HIVEP3: variants seen among roughly 807,000 people sequenced by gnomAD.
HIVEP3 encodes the protein transcription factor HIVEP3.
In HIVEP3, 49 loss-of-function variants were observed where a neutral mutation model predicts 152.8. That is an observed-to-expected ratio of 0.32 (90% CI 0.26 to 0.41). HIVEP3 has a LOEUF of 0.41. Ranked by LOEUF, HIVEP3 falls within the 10% of genes least tolerant of loss-of-function variation. HIVEP3 has a pLI of 1.00. For missense variants in HIVEP3, 2,790 were observed against 3,103.3 expected, an observed-to-expected ratio of 0.90 and a Z score of 2.40; for synonymous variants, 1,269 against 1,289.0, an observed-to-expected ratio of 0.98 and a Z score of 0.33.
chr1:41,609,686 C>T (rs1279757794), intron 3 of HIVEP3, among the ~76,000 whole-genome samples: 1 of 152,254 alleles, frequency 6.6e-6, no homozygotes, highest in South Asian at 2.1e-4. Context: ...CTCTCTCATT[C>T]CCTCCATCTG....
chr1:41,524,764 T>A lies in HIVEP3; in HGVS notation c.5354A>T (p.Lys1785Met). 1 of 1,614,082 alleles carries A rather than the reference T, an allele frequency of 6.2e-7. No homozygotes were observed. The highest frequency in any genetic ancestry group is 8.5e-7 in the Non-Finnish European group (1 of 1,180,018). The change falls in exon 6 of 9, where the codon AAG (lysine) becomes ATG (methionine). Residue 1785 changes from lysine (K) to methionine (M), a missense_variant. By Grantham distance (95) the Lys-to-Met change is moderately conservative (BLOSUM62 -1). This residue lies in a region of HIVEP3 where 57 missense variants were observed against 95.1 expected (regional missense o/e 0.60). Transcript: ENST00000372583. ...THTDVRPYVC[K>M]HCHFAFKTKG... ...GGTTTTAAAAGCAAAGTGACAGTGC[T>A]TGCACACATAGGGCCGGACGTCAGT... is the stretch of plus-strand genomic sequence containing the variant.
intron 5 of HIVEP3, among the ~76,000 whole-genome samples, chr1:41,551,337 C>CCT (rs1643891813): frequency 6.6e-6 from 1 of 150,664 alleles, no homozygotes; most frequent in Admixed American, 6.6e-5. Flanking sequence ...CTAAAATTCT[C>CCT]TTTTTTTTTG....
chr1:42,008,733 C>T (rs1645475746), intron 1 of HIVEP3, among the ~76,000 whole-genome samples: 2 of 152,196 alleles, frequency 1.3e-5, no homozygotes, highest in African/African-American at 2.4e-5. Context: ...ATGGCTGGTA[C>T]AGCAGACACT....
chr1:41,832,768 C>T (rs1348402653), intron 1 of HIVEP3, among the ~76,000 whole-genome samples: 2 of 152,198 alleles, frequency 1.3e-5, no homozygotes, highest in African/African-American at 4.8e-5. Context: ...TCACATTTTA[C>T]AGATAAGGAA....
At position 41,992,823 on chromosome 1, in the gene HIVEP3, A is replaced by G. The variant is rs1388120498; in HGVS notation, n.119+42984T>C. ...GAGATATAGATCAATGGAACAGAAC[A>G]GAGCCCTCAGAAATAACGCCGCATA... On this transcript the variant is annotated intron_variant and non_coding_transcript_variant, in intron 1 of 3. Transcript: ENST00000489103. Among the ~76,000 whole-genome samples, 110 of 140,068 alleles carry G rather than the reference A, an allele frequency of 7.9e-4. 1 individual carries two copies. The East Asian group carries it at 0.018, about 23-fold the overall frequency. 91.9% of individuals were successfully genotyped at this position (140,068 alleles called of 152,430 possible). A position where few individuals can be genotyped will look rare whatever the true frequency, so the allele number is the denominator to read the frequency against.
chr1:41,511,123 G>A lies in HIVEP3; in HGVS notation c.6549C>T (p.His2183=). The A allele has an allele frequency of 6.2e-7, 1 of 1,614,230 alleles. No homozygotes were observed. Among genetic ancestry groups the A allele is most frequent in the Non-Finnish European group, 8.5e-7 (1 of 1,180,038 alleles). ...EENIFSHLPL[H]SQHLTRAPCP... ...ATGGGGCACGGGTCAAGTGCTGGGA[G>A]TGCAGAGGCAGGTGGCTGAAGATGT... is the stretch of plus-strand genomic sequence containing the variant. Residue 2183 remains histidine, a synonymous_variant, in exon 9 of 9, where the codon CAC becomes CAT. Coordinates refer to ENST00000372583, the MANE Select transcript of HIVEP3 (RefSeq NM_024503.5). This position sits in a 1 kb window ranked among gnomAD's most constrained non-coding sequence, Gnocchi z 4.9.
intron 1 of HIVEP3, among the ~76,000 whole-genome samples, chr1:42,001,669 C>T (rs1645428528): frequency 6.6e-6 from 1 of 152,218 alleles, no homozygotes; most frequent in Non-Finnish European, 1.5e-5. Context: ...CCTGGCTCAT[C>T]ACACACTTAA....
chr1:42,026,732 T>C (rs1645584636), intron 1 of HIVEP3, among the ~76,000 whole-genome samples: 1 of 152,186 alleles, frequency 6.6e-6, no homozygotes, highest in Admixed American at 6.5e-5. Flanking sequence ...AGCCTGCCTA[T>C]ATGATTCTTT....
intron 1 of HIVEP3, among the ~76,000 whole-genome samples, chr1:42,007,363 G>C (rs569044432): frequency 6.6e-6 from 1 of 152,290 alleles, no homozygotes; most frequent in South Asian, 2.1e-4. Context: ...TGTTCGGTTG[G>C]TTCAGTTTGG....
Position 41,623,601 on chromosome 1 carries a change from C to T in HIVEP3, c.-522+5148G>A, listed in dbSNP as rs76033299. On this transcript the variant is annotated intron_variant, in intron 3 of 8. Coordinates refer to ENST00000372583, the MANE Select transcript of HIVEP3 (RefSeq NM_024503.5). ...CCAGGCCTGGCTCTCTTCCTTGCACCCACTGAGTGAAGGGCAGGTGGCCTG... is the reference window on the plus strand; with the variant it reads ...CCAGGCCTGGCTCTCTTCCTTGCACTCACTGAGTGAAGGGCAGGTGGCCTG... 4.7e-3 allele frequency among the ~76,000 whole-genome samples: 711 copies of T among 152,298 alleles called. 2 individuals carry two copies. The highest frequency in any genetic ancestry group is 0.016 in the African/African-American group (662 of 41,560).
At chr1:41,573,062 A>G (rs1341338823) in intron 5 of HIVEP3, among the ~76,000 whole-genome samples, 1 of 152,212 alleles carries the variant, frequency 6.6e-6, no homozygotes, top group East Asian at 1.9e-4. Context: ...CTCAGCCTCT[A>G]CTGGCCTGGA....
At chr1:41,976,616 A>T (rs1357164007) in intron 1 of HIVEP3, among the ~76,000 whole-genome samples, 3 of 152,266 alleles carry the variant, frequency 2.0e-5, no homozygotes, top group Non-Finnish European at 4.4e-5. Context: ...AGATACTGCA[A>T]TTCAGACTAA....
chr1:41,588,623 C>T (rs1161076094), intron 3 of HIVEP3, among the ~76,000 whole-genome samples: 2 of 152,102 alleles, frequency 1.3e-5, no homozygotes, highest in East Asian at 3.9e-4. Context: ...GTCCAGCCTG[C>T]ACCTGTGGGC....
At chr1:41,839,902 G>C (rs1300641808) in intron 1 of HIVEP3, among the ~76,000 whole-genome samples, 1 of 152,174 alleles carries the variant, frequency 6.6e-6, no homozygotes, top group African/African-American at 2.4e-5. Flanking sequence ...GGAGGGTTTA[G>C]AGCCTCACTG....
At chr1:41,959,933 A>G (rs963198628) in intron 1 of HIVEP3, among the ~76,000 whole-genome samples, 3 of 152,280 alleles carry the variant, frequency 2.0e-5, no homozygotes, top group Non-Finnish European at 4.4e-5. Flanking sequence ...ACCATGATCA[A>G]TATGAGGAAG....
At chr1:41,970,096 T>C (rs2124503480) in intron 1 of HIVEP3, among the ~76,000 whole-genome samples, 1 of 152,332 alleles carries the variant, frequency 6.6e-6, no homozygotes, top group Middle Eastern at 3.4e-3. Flanking sequence ...GGTGGGAATG[T>C]AAATTAGTTC....
chr1:41,951,701 C>G (rs1476485358), intron 1 of HIVEP3, among the ~76,000 whole-genome samples: 1 of 152,106 alleles, frequency 6.6e-6, no homozygotes, highest in South Asian at 2.1e-4. Flanking sequence ...CACCTCTTCA[C>G]AGAGCAGCAG....
At chr1:41,921,918 A>G (rs1458800333), upstream of HIVEP3, among the ~76,000 whole-genome samples, 2 of 151,146 alleles carry the variant, frequency 1.3e-5, no homozygotes, top group Non-Finnish European at 3.0e-5. Flanking sequence ...GTGCGCACAC[A>G]CACACACCAC....
intron 1 of HIVEP3, among the ~76,000 whole-genome samples, chr1:41,905,339 A>G (rs1644693374): frequency 6.6e-6 from 1 of 152,160 alleles, no homozygotes; most frequent in Non-Finnish European, 1.5e-5. Flanking sequence ...ATGCAGTGTT[A>G]AGGCAGTGCT....
Sources: gnomAD v4.1 joint callset for allele counts (sites outside exome capture counted in the v4.1 genomes callset) on GRCh38, gnomAD v4.1.1 for gene constraint, gnomAD v4.1.1 regional missense constraint, Gnocchi (gnomAD v3.1) non-coding constraint, MANE v1.5 for transcripts, NCBI Gene and HGNC (gene_info 2026-07-23, HGNC 2026-07-21) for gene names.